Variants in PARP16 observed in about 807,000 individuals in gnomAD.
PARP16 encodes the protein poly(ADP-ribose) polymerase family member 16.
In PARP16, 31 loss-of-function variants were observed where a neutral mutation model predicts 35.0. That is an observed-to-expected ratio of 0.88 (90% CI 0.66 to 1.19). The LOEUF (loss-of-function observed/expected upper bound fraction) is 1.19. Ranked by LOEUF, PARP16 falls within the 50% of genes most tolerant of loss-of-function variation. The pLI, the probability that PARP16 is intolerant of heterozygous loss-of-function variation, is 0.00. For missense variants in PARP16, 424 were observed against 411.2 expected (o/e 1.03, Z -0.27); for synonymous variants, 162 against 169.5 (o/e 0.96, Z 0.34).
At chr15:65,240,278 C>T (rs1476186307) in intron 3 of PARP16, among the ~76,000 whole-genome samples, 2 of 149,858 alleles carry the variant, frequency 1.3e-5, no homozygotes, top group African/African-American at 4.9e-5. Context: ...GCTTGGCGCC[C>T]GCCACCACGC....
intron 4 of PARP16, 31 bp downstream of exon 4, chr15:65,263,118 T>C: frequency 6.2e-7 from 1 of 1,603,624 alleles, no homozygotes; most frequent in Non-Finnish European, 8.5e-7. Context: ...CAGAGGCCTG[T>C]AGCCCAGGTC....
At chr15:65,235,834 T>TAAA (rs144070210) in intron 3 of PARP16, among the ~76,000 whole-genome samples, 2,174 of 126,180 alleles carry the variant, frequency 0.017, 66 homozygotes, top group African/African-American at 0.057. Flanking sequence ...GACCCTGTCT[T>TAAA]AAAAAAAAAA....
At chr15:65,243,890 C>G (rs963646212) in intron 3 of PARP16, among the ~76,000 whole-genome samples, 72 of 152,218 alleles carry the variant, frequency 4.7e-4, no homozygotes, top group African/African-American at 1.7e-3. Flanking sequence ...TGGTAGGCTC[C>G]TGCCCTCCTC....
intron 2 of PARP16, among the ~76,000 whole-genome samples, chr15:65,267,267 C>T (rs530122071): frequency 1.0e-3 from 154 of 151,256 alleles, no homozygotes; most frequent in Admixed American, 1.8e-3. Flanking sequence ...TAAATAATAA[C>T]ATTTTTCCCT....
Position 65,259,377 on chromosome 15 carries a change from G to A in PARP16, c.*30C>T, listed in dbSNP as rs749870456. ...ACAAGTTACCATAAGGCACATAGTT[G>A]AGGTAGCCCCCACACCAGGCCCAGA... On this transcript the variant is annotated 3_prime_UTR_variant, in exon 6 of 6. Transcript: ENST00000649807. The A allele has an allele frequency of 5.0e-6, 8 of 1,612,628 alleles. No homozygotes were observed. Among genetic ancestry groups the A allele is most frequent in the Non-Finnish European group, 6.8e-6 (8 of 1,178,858 alleles).
At position 65,286,486 on chromosome 15, in the gene PARP16, G is replaced by A. The variant is rs879170634; in HGVS notation, c.-60C>T. ...TGGTTAGGGGCAAGGGCGAGCGTGCGTTCAGCGCGGGGGCTGGGCCCGCGG... is the reference window on the plus strand; with the variant it reads ...TGGTTAGGGGCAAGGGCGAGCGTGCATTCAGCGCGGGGGCTGGGCCCGCGG... On this transcript the variant is annotated 5_prime_UTR_variant, in exon 1 of 6. The change creates a new upstream start codon in the 5' untranslated region. Transcript: ENST00000649807. 1.9e-5 allele frequency: 25 copies of A among 1,293,678 alleles called. No homozygotes were observed. In the South Asian group the frequency reaches 4.0e-4, roughly 21 times the overall value. 80.1% of individuals were successfully genotyped at this position (1,293,678 alleles called of 1,614,324 possible). A position where few individuals can be genotyped will look rare whatever the true frequency, so the allele number is the denominator to read the frequency against.
chr15:65,257,500 G>A (rs1215253103), downstream of PARP16, among the ~76,000 whole-genome samples: 1 of 151,196 alleles, frequency 6.6e-6, no homozygotes, highest in Non-Finnish European at 1.5e-5. Flanking sequence ...GCATGGTGGT[G>A]TGTGCCTGTA....
At chr15:65,265,145 C>G (rs1352294183) in intron 3 of PARP16, among the ~76,000 whole-genome samples, 1 of 152,210 alleles carries the variant, frequency 6.6e-6, no homozygotes, top group Non-Finnish European at 1.5e-5. Context: ...CTGCAGCAGC[C>G]ACAACTGAGC....
intron 3 of PARP16, among the ~76,000 whole-genome samples, chr15:65,239,954 C>CTTT (rs1595979917): frequency 7.5e-5 from 1 of 13,382 alleles, no homozygotes; most frequent in East Asian, 1.9e-3. Context: ...CCGCGTCTGA[C>CTTT]CTTTTTTTTT....
intron 1 of PARP16, among the ~76,000 whole-genome samples, chr15:65,274,739 G>T (rs1162862269): frequency 6.6e-6 from 1 of 152,120 alleles, no homozygotes; most frequent in East Asian, 1.9e-4. Context: ...GCCAGGCCCT[G>T]TGCTTATAGG....
At chr15:65,253,728 C>T (rs917463141), downstream of PARP16, among the ~76,000 whole-genome samples, 1 of 152,204 alleles carries the variant, frequency 6.6e-6, no homozygotes, top group African/African-American at 2.4e-5. Flanking sequence ...AAACTCTTCT[C>T]CAGCACCTAC....
At chr15:65,273,862 G>C (rs1265877590) in intron 1 of PARP16, among the ~76,000 whole-genome samples, 1 of 127,506 alleles carries the variant, frequency 7.8e-6, no homozygotes, top group African/African-American at 3.1e-5. Context: ...GGCAACAATA[G>C]CAAAACTCTG....
intron 2 of PARP16, among the ~76,000 whole-genome samples, chr15:65,253,084 G>A (rs1595997846): frequency 1.3e-5 from 2 of 149,136 alleles, no homozygotes; most frequent in Non-Finnish European, 3.0e-5. Context: ...GGTGAGCCGA[G>A]ATTGCACCAC....
At chr15:65,263,952 C>G (rs2089816098) in intron 3 of PARP16, among the ~76,000 whole-genome samples, 1 of 151,972 alleles carries the variant, frequency 6.6e-6, no homozygotes, top group Non-Finnish European at 1.5e-5. Flanking sequence ...TAATCTGAGT[C>G]ATTACTTGGA....
rs1567013240 is a variant in PARP16 at position 65,250,106 on chromosome 15, C to CTTTTTTTTTTTTTTTTTTTT, written c.203-1879_203-1878insAAAAAAAAAAAAAAAAAAAA. Among the ~76,000 whole-genome samples, 4 of 104,198 alleles carry CTTTTTTTTTTTTTTTTTTTT rather than the reference C, an allele frequency of 3.8e-5. 2 individuals carry two copies. Among genetic ancestry groups the CTTTTTTTTTTTTTTTTTTTT allele is most frequent in the Non-Finnish European group, 3.8e-5 (2 of 53,200 alleles). 68.4% of individuals were successfully genotyped at this position (104,198 alleles called of 152,430 possible). A position where few individuals can be genotyped will look rare whatever the true frequency, so the allele number is the denominator to read the frequency against. ...CTAGCTGCAGCCTTGCACCTGCTTG[C>CTTTTTTTTTTTTTTTTTTTT]CTTTTTTTTTTTTTTTTTTTTTTTT... On this transcript the variant is annotated intron_variant and NMD_transcript_variant, in intron 2 of 3. Transcript: ENST00000559805.
At chr15:65,242,396 CA>C (rs35131686) in intron 3 of PARP16, among the ~76,000 whole-genome samples, 74,917 of 148,142 alleles carry the variant, frequency 0.51, 19,020 homozygotes, top group East Asian at 0.87. Flanking sequence ...TTGTTTACTA[CA>C]AAAAAAAAAA....
intron 3 of PARP16, among the ~76,000 whole-genome samples, chr15:65,243,776 T>C (rs904787650): frequency 5.3e-5 from 8 of 152,150 alleles, no homozygotes; most frequent in African/African-American, 1.7e-4. Context: ...TTCCATTACA[T>C]ATTTATTCTT....
intron 1 of PARP16, among the ~76,000 whole-genome samples, chr15:65,277,887 T>C (rs1052067082): frequency 6.6e-6 from 1 of 152,174 alleles, no homozygotes. Flanking sequence ...AAGATGTATG[T>C]AATATGCAGT....
chr15:65,283,110 T>A (rs1041116624), intron 1 of PARP16, among the ~76,000 whole-genome samples: 2 of 152,092 alleles, frequency 1.3e-5, no homozygotes, highest in African/African-American at 4.8e-5. Flanking sequence ...CAGATTCTAG[T>A]CCACTTAGAG....
Sources: allele counts gnomAD v4.1 joint callset (sites outside exome capture counted in the v4.1 genomes callset), GRCh38; gene constraint gnomAD v4.1.1; transcripts MANE v1.5; gene names NCBI Gene and HGNC (gene_info 2026-07-23, HGNC 2026-07-21).